Variants in BBS5 observed in about 807,000 individuals in gnomAD.
The protein encoded by BBS5 is Bardet-Biedl syndrome 5.
A neutral mutation model predicts 50.2 loss-of-function variants in BBS5; 39 were observed. That is an observed-to-expected ratio of 0.78 (90% CI 0.60 to 1.01). The LOEUF (loss-of-function observed/expected upper bound fraction) is 1.01. Among genes scored for constraint, BBS5 ranks in the 50% least tolerant of loss-of-function variants. BBS5 has a pLI of 0.00. For missense variants in BBS5, 356 were observed against 401.5 expected (o/e 0.89, Z 0.97); for synonymous variants, 134 against 133.1 (o/e 1.01, Z -0.05).
intron 2 of BBS5, among the ~76,000 whole-genome samples, chr2:169,484,163 G>C (rs111486240): frequency 0.025 from 3,789 of 152,228 alleles, 169 homozygotes; most frequent in African/African-American, 0.087. Context: ...TGGGAGGACT[G>C]CTTAAGGCCA....
chr2:169,480,158 G>C (rs1471050979), intron 1 of BBS5, among the ~76,000 whole-genome samples: 1 of 152,132 alleles, frequency 6.6e-6, no homozygotes, highest in Non-Finnish European at 1.5e-5. Flanking sequence ...TTATGTCCTT[G>C]GTAAGCTTTC....
intron 6 of BBS5, 119 bp downstream of exon 6, chr2:169,493,128 A>G (rs1683631196): frequency 1.6e-6 from 2 of 1,215,616 alleles, no homozygotes; most frequent in East Asian, 2.4e-5. Context: ...AGGAAAGCGT[A>G]TTACTTTTCA....
chr2:169,501,200 A>C (rs1430160229), intron 9 of BBS5, among the ~76,000 whole-genome samples: 1 of 152,202 alleles, frequency 6.6e-6, no homozygotes, highest in African/African-American at 2.4e-5. Context: ...GTTTACTTAT[A>C]TATTTTTGGC....
chr2:169,500,128 G>A (rs1313052625), intron 9 of BBS5, among the ~76,000 whole-genome samples: 1 of 152,146 alleles, frequency 6.6e-6, no homozygotes, highest in Non-Finnish European at 1.5e-5. Context: ...TCTGCTCTTT[G>A]TCTTCTTCAT....
intron 2 of BBS5, among the ~76,000 whole-genome samples, chr2:169,485,498 TTTC>T (rs542700611): frequency 6.6e-6 from 1 of 152,300 alleles, no homozygotes; most frequent in South Asian, 2.1e-4. Context: ...GTCATATTAT[TTTC>T]TTCTTAAAGA....
chr2:169,479,998 A>C (rs1167921696), intron 1 of BBS5, among the ~76,000 whole-genome samples: 1 of 152,206 alleles, frequency 6.6e-6, no homozygotes, highest in African/African-American at 2.4e-5. Flanking sequence ...GGACTCAGGA[A>C]ACTAGGGTTC....
chr2:169,482,991 A>G (rs1683427300), intron 2 of BBS5, among the ~76,000 whole-genome samples: 1 of 152,222 alleles, frequency 6.6e-6, no homozygotes, highest in Non-Finnish European at 1.5e-5. Flanking sequence ...CCAAGGAAAA[A>G]AAAATAGATG....
At chr2:169,489,851 C>CTTTTTTTTTTTTTTTTTTTTT (rs71003093) in intron 5 of BBS5, among the ~76,000 whole-genome samples, 2 of 65,890 alleles carry the variant, frequency 3.0e-5, no homozygotes, top group Non-Finnish European at 5.3e-5. Context: ...CATAAATTTC[C>CTTTTTTTTTTTTTTTTTTTTT]TTTTTTTTTT....
chr2:169,481,623 G>T (rs1210881206), intron 1 of BBS5, among the ~76,000 whole-genome samples: 11 of 149,320 alleles, frequency 7.4e-5, no homozygotes, highest in Non-Finnish European at 1.6e-4. Context: ...ATTTTGCTAG[G>T]TTTTTTTTTT....
chr2:169,487,521 T>C (rs970135183), intron 3 of BBS5, among the ~76,000 whole-genome samples: 2 of 152,088 alleles, frequency 1.3e-5, no homozygotes, highest in Non-Finnish European at 2.9e-5. Flanking sequence ...TCTTTTTTAG[T>C]AGTAGTGCCA....
At chr2:169,497,731 C>T (rs1559124788) in intron 8 of BBS5, 42 bp downstream of exon 8, 1 of 1,318,232 alleles carries the variant, frequency 7.6e-7, no homozygotes. Context: ...ATTTTTAAAA[C>T]TATGTGACAG....
intron 3 of BBS5, 130 bp from the exon 4 acceptor site, chr2:169,487,675 TA>T: frequency 1.7e-6 from 1 of 601,030 alleles, no homozygotes; most frequent in Admixed American, 3.4e-5. Context: ...TTAAAACTTT[TA>T]AAAGTTTATT....
At chr2:169,489,421 G>A (rs531836614) in intron 5 of BBS5, among the ~76,000 whole-genome samples, 10 of 150,934 alleles carry the variant, frequency 6.6e-5, no homozygotes, top group Admixed American at 2.6e-4. Context: ...TGAGATCGCC[G>A]CACTGCACTC....
Position 169,493,887 on chromosome 2 carries a change from T to C in BBS5, c.618+51T>C, listed in dbSNP as rs750622198. 3 of 1,298,308 alleles carry C rather than the reference T, an allele frequency of 2.3e-6. No individual in the cohort carries two copies. The East Asian group carries it at 7.1e-5, about 31-fold the overall frequency. 80.4% of individuals were successfully genotyped at this position (1,298,308 alleles called of 1,614,324 possible). A position where few individuals can be genotyped will look rare whatever the true frequency, so the allele number is the denominator to read the frequency against. On this transcript the variant is annotated intron_variant, in intron 7 of 11. Coordinates refer to ENST00000295240, the MANE Select transcript of BBS5 (RefSeq NM_152384.3). ...TATTTTAATGTAAAATAAATATTTT[T>C]TGTTCAATAGTTAATTGGACTTTTA...
At chr2:169,485,586 C>G (rs1683475217) in intron 2 of BBS5, among the ~76,000 whole-genome samples, 1 of 152,218 alleles carries the variant, frequency 6.6e-6, no homozygotes, top group Non-Finnish European at 1.5e-5. Flanking sequence ...AGATCTAAGT[C>G]TGAATTTCTT....
rs755143488 is a variant in BBS5, at chr2:169,497,618, T to G, written c.619-9T>G. 6.5e-7 allele frequency: 1 copy of G among 1,548,544 alleles called. No individual in the cohort carries two copies. Among genetic ancestry groups the G allele is most frequent in the Non-Finnish European group, 8.9e-7 (1 of 1,122,248 alleles). On this transcript the variant is annotated splice_polypyrimidine_tract_variant and intron_variant, in intron 7 of 11. Coordinates refer to ENST00000295240, the MANE Select transcript of BBS5 (RefSeq NM_152384.3). The stretch of plus-strand genomic sequence containing the variant: ...ACTTGCATGTTTTTCTTTTTCATTT[T>G]GTATCTAGCGTTCAATAAAGATTAG...
Position 169,487,871 on chromosome 2 carries a change from C to G in BBS5, c.258+16C>G, listed in dbSNP as rs1683512836. The G allele has an allele frequency of 6.3e-7, 1 of 1,590,224 alleles. No homozygotes were observed. The highest frequency in any genetic ancestry group is 8.6e-7 in the Non-Finnish European group (1 of 1,159,374). On this transcript the variant is annotated intron_variant, in intron 4 of 11. Transcript: ENST00000295240. ...TGCTAACTCTGTAAGTCTAAAAAATCTTATTGCAATATATATATAGTAAAG... is the reference window on the plus strand; with the variant it reads ...TGCTAACTCTGTAAGTCTAAAAAATGTTATTGCAATATATATATAGTAAAG...
intron 5 of BBS5, among the ~76,000 whole-genome samples, chr2:169,489,851 C>CTTTTTTTTTTTTTTTTTTT (rs71003093): frequency 1.2e-4 from 8 of 65,890 alleles, no homozygotes; most frequent in Non-Finnish European, 1.8e-4. Flanking sequence ...CATAAATTTC[C>CTTTTTTTTTTTTTTTTTTT]TTTTTTTTTT....
Position 169,489,851 on chromosome 2 carries a change from C to CTTTTTTT in BBS5, c.386+1772_386+1778dup, listed in dbSNP as rs71003093. On this transcript the variant is annotated intron_variant, in intron 5 of 11. Coordinates refer to ENST00000295240, the MANE Select transcript of BBS5 (RefSeq NM_152384.3). ...TATTTTTTGGCTTCTCATAAATTTC[C>CTTTTTTT]TTTTTTTTTTTTTTTTTTTTTTTTT... Among the ~76,000 whole-genome samples the CTTTTTTT allele has an allele frequency of 5.2e-4, 34 of 65,890 alleles. 4 individuals are homozygous for CTTTTTTT. Among genetic ancestry groups the CTTTTTTT allele is most frequent in the African/African-American group, 7.5e-4 (9 of 12,064 alleles). 43.2% of individuals were successfully genotyped at this position (65,890 alleles called of 152,430 possible).
Sources: gnomAD v4.1 joint callset for allele counts (sites outside exome capture counted in the v4.1 genomes callset) on GRCh38, gnomAD v4.1.1 for gene constraint, MANE v1.5 for transcripts, NCBI Gene and HGNC (gene_info 2026-07-23, HGNC 2026-07-21) for gene names.